Variants in MPRIP observed in about 807,000 individuals in gnomAD.
The protein encoded by MPRIP is myosin phosphatase Rho interacting protein.
A neutral mutation model predicts 234.9 loss-of-function variants in MPRIP; 59 were observed. That is an observed-to-expected ratio of 0.25 (90% CI 0.20 to 0.31). MPRIP has a LOEUF of 0.31. Among genes scored for constraint, MPRIP ranks in the 10% least tolerant of loss-of-function variants. The probability of loss-of-function intolerance (pLI) is 1.00; values close to 1 mark genes in which losing one functional copy is unlikely to be tolerated. For synonymous variants in MPRIP, 1,144 were observed against 1,263.9 expected (o/e 0.91, Z 2.01); for missense variants, 2,436 against 3,071.0 (o/e 0.79, Z 4.89).
chr17:17,120,929 C>G (rs905292758), intron 3 of MPRIP, among the ~76,000 whole-genome samples: 1 of 152,124 alleles, frequency 6.6e-6, no homozygotes, highest in Non-Finnish European at 1.5e-5. Context: ...ATCCTGCCCC[C>G]TAGGCAGAGG....
chr17:17,075,219 C>T (rs1202707993), intron 1 of MPRIP, among the ~76,000 whole-genome samples: 1 of 152,212 alleles, frequency 6.6e-6, no homozygotes, highest in African/African-American at 2.4e-5. Context: ...AGAGTTTCTG[C>T]ACGCAGTCAC....
At chr17:17,081,032 C>G (rs6502560) in intron 3 of MPRIP, among the ~76,000 whole-genome samples, 2 of 152,168 alleles carry the variant, frequency 1.3e-5, no homozygotes, top group African/African-American at 4.8e-5. Context: ...AAAGCAATCC[C>G]TACCTGGGCA....
chr17:17,107,576 G>A (rs563480225), intron 3 of MPRIP, among the ~76,000 whole-genome samples: 32 of 152,350 alleles, frequency 2.1e-4, no homozygotes, highest in African/African-American at 5.8e-4. Context: ...GTCCTGGGGC[G>A]CAACAGGGAG....
At chr17:17,106,331 C>T (rs1033965130) in intron 3 of MPRIP, among the ~76,000 whole-genome samples, 1 of 152,176 alleles carries the variant, frequency 6.6e-6, no homozygotes, top group Non-Finnish European at 1.5e-5. Flanking sequence ...TCTTTGTGGT[C>T]GACTTGTAGA....
chr17:17,051,996 T>C (rs1209278751), intron 1 of MPRIP, among the ~76,000 whole-genome samples: 1 of 152,230 alleles, frequency 6.6e-6, no homozygotes, highest in African/African-American at 2.4e-5. Context: ...CTCTACCTAC[T>C]ATATTGTGTC....
chr17:17,185,432 T>C lies in MPRIP; in HGVS notation c.*538T>C. ...TCCAGCCCAGGAGGAGGACAGCATT[T>C]TGTATTTGTTCCACTGATGCAGCTT... On this transcript the variant is annotated 3_prime_UTR_variant, in exon 24 of 24. Transcript: ENST00000651222. The C allele has an allele frequency of 2.2e-6, 1 of 448,706 alleles. No homozygotes were observed. The highest frequency in any genetic ancestry group is 1.6e-5 in the South Asian group (1 of 63,746). 27.8% of individuals were successfully genotyped at this position (448,706 alleles called of 1,614,324 possible). A position where few individuals can be genotyped will look rare whatever the true frequency, so the allele number is the denominator to read the frequency against.
chr17:17,111,225 CAAAAAAAAAAA>C (rs55714262), intron 3 of MPRIP, among the ~76,000 whole-genome samples: 1 of 86,560 alleles, frequency 1.2e-5, no homozygotes, highest in Non-Finnish European at 2.2e-5. Context: ...GGGGTAGTCC[CAAAAAAAAAAA>C]AAAAAAAAAA....
intron 11 of MPRIP, among the ~76,000 whole-genome samples, chr17:17,147,765 C>T (rs944408876): frequency 6.6e-6 from 1 of 152,180 alleles, no homozygotes; most frequent in African/African-American, 2.4e-5. Flanking sequence ...AAAGAGATTT[C>T]ATGGTAAATG....
At chr17:17,064,234 C>T (rs921654458) in intron 1 of MPRIP, among the ~76,000 whole-genome samples, 1 of 147,008 alleles carries the variant, frequency 6.8e-6, no homozygotes, top group Admixed American at 6.8e-5. Flanking sequence ...TGGAGTCTAT[C>T]TCTGTTGCCC....
chr17:17,170,188 A>G (rs1445969537), intron 16 of MPRIP: 1 of 132,090 alleles, frequency 7.6e-6, no homozygotes, highest in Admixed American at 7.5e-5. Context: ...TTCCATATAT[A>G]TATATATTTT....
At position 17,192,475 on chromosome 17, in the gene MPRIP, A is replaced by G. The variant is rs2046615023; in HGVS notation, c.*7581A>G. 1 of 130,962 alleles carries G rather than the reference A, an allele frequency of 7.6e-6. No homozygotes were observed. Among genetic ancestry groups the G allele is most frequent in the Non-Finnish European group, 1.6e-5 (1 of 62,984 alleles). The allele number at this position is 130,962 out of a possible 1,614,324, so 8.1% of individuals were successfully genotyped here. ...TCTTGAGGCTTTTTTTTTTTTTACAAAGTTAGTTTGTGATCAACGATTCAC... is the reference window on the plus strand; with the variant it reads ...TCTTGAGGCTTTTTTTTTTTTTACAGAGTTAGTTTGTGATCAACGATTCAC... On this transcript the variant is annotated 3_prime_UTR_variant, in exon 24 of 24. Transcript: ENST00000651222.
intron 18 of MPRIP, 151 bp from the exon 19 acceptor site, chr17:17,173,765 T>A: frequency 1.2e-6 from 1 of 869,230 alleles, no homozygotes; most frequent in South Asian, 1.4e-5. Context: ...CTGTAAGGGA[T>A]CCCTTACTCT....
In MPRIP at chr17:17,172,702, C is replaced by G; in HGVS notation, c.6477C>G (p.Ile2159Met). The G allele has an allele frequency of 6.2e-7, 1 of 1,610,778 alleles. No homozygotes were observed. Among genetic ancestry groups the G allele is most frequent in the Non-Finnish European group, 8.5e-7 (1 of 1,179,806 alleles). ...AGGCCGTGTCCTTGCCTGCAGCCATCGAAGCCATGAAGAACGCCCACCGGG... is the reference window on the plus strand; with the variant it reads ...AGGCCGTGTCCTTGCCTGCAGCCATGGAAGCCATGAAGAACGCCCACCGGG... ...AEETAATISA[I>M]EAMKNAHREE... The change falls in exon 18 of 24, where the codon ATC (isoleucine) becomes ATG (methionine). Residue 2159 changes from isoleucine (I) to methionine (M), a missense_variant. Ile to Met is a conservative substitution (Grantham distance 10). Around this residue, in one of 4 missense-constraint regions of MPRIP, gnomAD observed 1,998 missense variants for 2,520.3 expected, o/e 0.79. Transcript: ENST00000651222.
chr17:17,126,193 A>G (rs1047433222), intron 3 of MPRIP, among the ~76,000 whole-genome samples: 2 of 152,122 alleles, frequency 1.3e-5, no homozygotes, highest in Non-Finnish European at 2.9e-5. Context: ...TGGCCCTGGG[A>G]AGGTGCCGTG....
At chr17:17,144,481 A>G (rs1348297279) in intron 9 of MPRIP, among the ~76,000 whole-genome samples, 4 of 152,230 alleles carry the variant, frequency 2.6e-5, no homozygotes, top group Non-Finnish European at 4.4e-5. Context: ...ACCCACCTGC[A>G]TAGGCCTTGC....
At chr17:17,071,062 ACACACCCTAG>A (rs1171527621) in intron 1 of MPRIP, among the ~76,000 whole-genome samples, 6 of 152,086 alleles carry the variant, frequency 3.9e-5, no homozygotes, top group Non-Finnish European at 8.8e-5. Flanking sequence ...GCGCCCTCTG[ACACACCCTAG>A]CATGGAGCAA....
At chr17:17,161,792 G>T (rs530252147) in intron 15 of MPRIP, among the ~76,000 whole-genome samples, 2 of 152,300 alleles carry the variant, frequency 1.3e-5, no homozygotes, top group South Asian at 4.1e-4. Context: ...CCAACAGCAA[G>T]TCAGTGGCAA....
chr17:17,159,036 C>T (rs2045803710), intron 14 of MPRIP, 34 bp downstream of exon 14: 1 of 1,573,652 alleles, frequency 6.4e-7, no homozygotes, highest in Non-Finnish European at 8.6e-7. Flanking sequence ...CACCCTGCTC[C>T]CAGCAGCCTT....
At chr17:17,142,475 G>A (rs143718755) in intron 7 of MPRIP, 152 bp from the exon 8 acceptor site, 10,244 of 839,236 alleles carry the variant, frequency 0.012, 80 homozygotes, top group Non-Finnish European at 0.015. Context: ...GGCAGAGCTC[G>A]GGTCAGCTGA....
Sources: gnomAD v4.1 joint callset for allele counts (sites outside exome capture counted in the v4.1 genomes callset) on GRCh38, gnomAD v4.1.1 for gene constraint, gnomAD v4.1.1 regional missense constraint, MANE v1.5 for transcripts, NCBI Gene and HGNC (gene_info 2026-07-23, HGNC 2026-07-21) for gene names.